MYH3: variants seen among roughly 807,000 people sequenced by gnomAD.
MYH3 encodes myosin heavy chain 3, also known as myosin-3.
MYH3 carries 130 observed loss-of-function variants against 238.0 expected under a neutral mutation model. That is an observed-to-expected ratio of 0.55 (90% confidence interval 0.47 to 0.63). The LOEUF (loss-of-function observed/expected upper bound fraction) is 0.63, where lower values mean the gene tolerates loss of function less well. Ranked by LOEUF, MYH3 falls within the 30% of genes least tolerant of loss-of-function variation. The pLI, the probability that MYH3 is intolerant of heterozygous loss-of-function variation, is 0.00. For missense variants in MYH3, 1,853 were observed against 2,374.9 expected, an observed-to-expected ratio of 0.78 and a Z score of 4.57; for synonymous variants, 880 against 924.1, an observed-to-expected ratio of 0.95 and a Z score of 0.86.
At chr17:10,662,259 T>G (rs540818435), upstream of MYH3, among the ~76,000 whole-genome samples, 1 of 152,266 alleles carries the variant, frequency 6.6e-6, no homozygotes, top group East Asian at 1.9e-4. Context: ...TGTCCTCAAA[T>G]GATCCACCCG....
upstream of MYH3, among the ~76,000 whole-genome samples, chr17:10,658,364 G>A (rs878186): frequency 0.62 from 93,836 of 151,892 alleles, 29,292 homozygotes; most frequent in Non-Finnish European, 0.67. Context: ...CGCCCCTTCC[G>A]TACACAGCAG....
intron 1 of MYH3, 90 bp downstream of exon 1, chr17:10,657,199 G>C (rs1387314933): frequency 6.6e-6 from 1 of 152,558 alleles, no homozygotes; most frequent in Non-Finnish European, 1.5e-5. Context: ...AGCCAGGCAG[G>C]GCCAGGGAAC....
chr17:10,642,810 G>A lies in MYH3; in HGVS notation c.1581+16C>T. Reference sequence around the variant, plus strand: ...AGTCTATGAGAAGAGCTTACGGTGGGGATGGAACTGGATACCTTCTCGATG... The same window carrying A: ...AGTCTATGAGAAGAGCTTACGGTGGAGATGGAACTGGATACCTTCTCGATG... On this transcript the variant is annotated intron_variant, in intron 15 of 40. Transcript: ENST00000583535. The surrounding 1 kb of genome is among the most constrained non-coding windows in gnomAD (Gnocchi z 5.4). 1 of 1,614,056 alleles carries A rather than the reference G, an allele frequency of 6.2e-7. No individual in the cohort carries two copies. Among genetic ancestry groups the A allele is most frequent in the African/African-American group, 1.3e-5 (1 of 75,020 alleles).
At chr17:10,652,376 A>G in intron 4 of MYH3, 44 bp downstream of exon 4, 1 of 1,608,612 alleles carries the variant, frequency 6.2e-7, no homozygotes, top group Non-Finnish European at 8.5e-7. Context: ...CCCTGCCCGC[A>G]TATCTAATGC....
rs146070094 is a variant in MYH3, at chr17:10,635,402, G to A, written c.4137C>T (p.Asp1379=). The A allele has an allele frequency of 5.1e-4, 828 of 1,613,994 alleles. 4 individuals carry two copies. The African/African-American group carries it at 9.0e-3, about 18-fold the overall frequency. Residue 1379 remains aspartate, a synonymous_variant, in exon 30 of 41, where the codon GAC becomes GAT. Transcript: ENST00000583535. ...VAQWRTKYET[D]AIQRTEELEE... ...CCAGCTCTTCTGTGCGCTGGATGGC[G>A]TCCGTCTCGTATTTGGTTCTCCACT...
the MYH3 span, among the ~76,000 whole-genome samples, chr17:10,671,870 T>A: frequency 6.6e-6 from 1 of 152,150 alleles, no homozygotes; most frequent in African/African-American, 2.4e-5. Flanking sequence ...TGAGCACCTG[T>A]AATCCCAGGG....
At chr17:10,671,840 A>G in the MYH3 span, among the ~76,000 whole-genome samples, 3 of 151,908 alleles carry the variant, frequency 2.0e-5, no homozygotes, top group Admixed American at 6.6e-5. Flanking sequence ...CAGCCTCCCA[A>G]TGTGCTGGGA....
At position 10,628,892 on chromosome 17, in the gene MYH3, C is replaced by G. The variant is rs73976868; in HGVS notation, c.5797-213G>C. On this transcript the variant is annotated intron_variant, in intron 40 of 40. Coordinates refer to ENST00000583535, the MANE Select transcript of MYH3 (RefSeq NM_002470.4). ...AAGAGCAAGCCCCAAACGCTGGAGA[C>G]CCAGCGACCTACTGTCGGATGCTGT... Among the ~76,000 whole-genome samples the G allele has an allele frequency of 0.019, 2,935 of 152,290 alleles. 89 individuals carry two copies. The highest frequency in any genetic ancestry group is 0.066 in the African/African-American group (2,732 of 41,532).
intron 36 of MYH3, 46 bp downstream of exon 36, chr17:10,631,565 A>C (rs1385506247): frequency 6.2e-7 from 1 of 1,613,944 alleles, no homozygotes; most frequent in Non-Finnish European, 8.5e-7. Flanking sequence ...GCTTTAATGC[A>C]ATGCAATCCC....
chr17:10,635,959 A>G (rs1030327893), intron 28 of MYH3, 106 bp from the exon 29 acceptor site: 21 of 963,852 alleles, frequency 2.2e-5, no homozygotes, highest in African/African-American at 9.6e-5. Flanking sequence ...ACAGAAAATG[A>G]TAAGATATGG....
In MYH3 at chr17:10,641,069, CAT is replaced by C. The variant is rs2074266529; in HGVS notation, c.2165+14_2165+15del. On this transcript the variant is annotated intron_variant, in intron 19 of 40. Transcript: ENST00000583535. ...ACATCTCATCCCCAAGCATATAGAA[CAT>C]GTTTATTACACACCTTTGTTTAAAA... 6.5e-7 allele frequency: 1 copy of C among 1,539,770 alleles called. No individual in the cohort carries two copies. Among genetic ancestry groups the C allele is most frequent in the African/African-American group, 1.4e-5 (1 of 73,664 alleles).
At position 10,652,414 on chromosome 17, in the gene MYH3, G is replaced by C. The variant is rs377515183; in HGVS notation, c.348+6C>G. ...CAGGGAAACCACGTCGAAAGCCCTC[G>C]CTGACATAGATCATCCAAGATGTGT... On this transcript the variant is annotated splice_donor_region_variant and intron_variant, in intron 4 of 40. Transcript: ENST00000583535. 6.2e-7 allele frequency: 1 copy of C among 1,613,704 alleles called. No homozygotes were observed. The highest frequency in any genetic ancestry group is 8.5e-7 in the Non-Finnish European group (1 of 1,179,918).
At chr17:10,635,606 C>A (rs1421701792) in intron 29 of MYH3, 43 bp from the exon 30 acceptor site, 4 of 1,613,966 alleles carry the variant, frequency 2.5e-6, no homozygotes, top group African/African-American at 2.7e-5. Flanking sequence ...ATATTTAGTG[C>A]CAGGTGCATG....
intron 1 of MYH3, 131 bp downstream of exon 1, chr17:10,657,158 C>T (rs2074440970): frequency 6.6e-6 from 1 of 152,310 alleles, no homozygotes; most frequent in African/African-American, 2.4e-5. Flanking sequence ...CCTAAGAAAA[C>T]TCAGAAAGGC....
chr17:10,630,533 C>T (rs550283757), intron 36 of MYH3, 75 bp from the exon 37 acceptor site: 230 of 1,597,176 alleles, frequency 1.4e-4, no homozygotes, highest in Non-Finnish European at 1.9e-4. Context: ...CTGGGGACCT[C>T]GGAGGACCAG....
At chr17:10,641,509 T>A in intron 17 of MYH3, 137 bp from the exon 18 acceptor site, 2 of 14,976 alleles carry the variant, frequency 1.3e-4, no homozygotes, top group East Asian at 4.9e-4. Flanking sequence ...TAACTCTGTC[T>A]TTTTTTTTTT....
intron 7 of MYH3, among the ~76,000 whole-genome samples, 168 bp from the exon 8 acceptor site, chr17:10,648,817 A>G (rs1045598460): frequency 6.6e-6 from 1 of 152,150 alleles, no homozygotes; most frequent in African/African-American, 2.4e-5. Flanking sequence ...CTGGGACTAC[A>G]GGCATGCACT....
Position 10,639,503 on chromosome 17 carries a change from CTTAAAGT to C in MYH3, c.2926-36_2926-30del, listed in dbSNP as rs952266454. 7 of 1,613,932 alleles carry C rather than the reference CTTAAAGT, an allele frequency of 4.3e-6. No homozygotes were observed. The African/African-American group carries it at 9.3e-5, about 22-fold the overall frequency. On this transcript the variant is annotated intron_variant, in intron 23 of 40. Transcript: ENST00000583535. ...AGAAGAATTCGCAAGCAATTATAAG[CTTAAAGT>C]TTAGTTTGCAATGACTATATCAAGC...
Position 10,630,199 on chromosome 17 carries a change from G to T in MYH3, c.5458-3C>A, listed in dbSNP as rs1208037433. 8.1e-6 allele frequency: 13 copies of T among 1,614,044 alleles called. No individual in the cohort carries two copies. The highest frequency in any genetic ancestry group is 1.1e-5 in the Non-Finnish European group (13 of 1,180,016). On this transcript the variant is annotated splice_region_variant and splice_polypyrimidine_tract_variant and intron_variant, in intron 37 of 40. Coordinates refer to ENST00000583535, the MANE Select transcript of MYH3 (RefSeq NM_002470.4). Reference sequence around the variant, plus strand: ...AGTTCAAACTCCAGCTCTCGGATCTGGGGGAGAGGGTGGGGAAATTAGTCT... The same window carrying T: ...AGTTCAAACTCCAGCTCTCGGATCTTGGGGAGAGGGTGGGGAAATTAGTCT...
Sources: allele counts gnomAD v4.1 joint callset (sites outside exome capture counted in the v4.1 genomes callset), GRCh38; gene constraint gnomAD v4.1.1; non-coding constraint Gnocchi (gnomAD v3.1); transcripts MANE v1.5; gene names NCBI Gene and HGNC (gene_info 2026-07-23, HGNC 2026-07-21).